Variants in SBSPON observed in about 807,000 individuals in gnomAD.
SBSPON encodes somatomedin B and thrombospondin type 1 domain containing, also known as somatomedin-B and thrombospondin type-1 domain-containing protein.
Under a neutral mutation model 35.8 loss-of-function variants are expected in SBSPON, and 30 were observed. The ratio of observed to expected loss-of-function variants is 0.84; its 90% CI spans 0.63 to 1.14. The LOEUF (loss-of-function observed/expected upper bound fraction) is 1.14. Among genes scored for constraint, SBSPON ranks in the 50% most tolerant of loss-of-function variants. The pLI is 0.00. For missense variants in SBSPON, 364 were observed against 357.7 expected (o/e 1.02, Z -0.14); for synonymous variants, 136 against 135.9 (o/e 1.00, Z 0.00).
chr8:73,081,253 C>A (rs1810697761), intron 1 of SBSPON, 40 bp from the exon 2 acceptor site: 1 of 1,489,548 alleles, frequency 6.7e-7, no homozygotes, highest in Non-Finnish European at 9.0e-7. Context: ...TGAGTAAATC[C>A]CGCCAGGCTG....
At chr8:73,069,108 C>T (rs1024163475) in intron 4 of SBSPON, among the ~76,000 whole-genome samples, 4 of 152,084 alleles carry the variant, frequency 2.6e-5, no homozygotes, top group African/African-American at 7.2e-5. Flanking sequence ...TGACCTAAGA[C>T]ATTTTTAAAA....
intron 4 of SBSPON, among the ~76,000 whole-genome samples, chr8:73,069,048 G>A (rs1233164542): frequency 6.6e-6 from 1 of 152,152 alleles, no homozygotes; most frequent in East Asian, 1.9e-4. Flanking sequence ...AGCCTGCAAA[G>A]TCAAAAATAT....
In SBSPON at chr8:73,084,702, CTT is replaced by C. The variant is rs757692640; in HGVS notation, c.215-3491_215-3490del. Among the ~76,000 whole-genome samples, 80 of 151,470 alleles carry C rather than the reference CTT, an allele frequency of 5.3e-4. 1 individual carries two copies. The highest frequency in any genetic ancestry group is 3.4e-3 in the Middle Eastern group (1 of 292). ...ACTAACTACTTCCTCTTCAGGGAGT[CTT>C]TTTCTGGCCAGCTTTTTCTAGTCTT... On this transcript the variant is annotated intron_variant, in intron 1 of 4. Coordinates refer to ENST00000297354, the MANE Select transcript of SBSPON (RefSeq NM_153225.4).
At chr8:73,071,059 G>A (rs1810485192) in intron 3 of SBSPON, among the ~76,000 whole-genome samples, 1 of 152,114 alleles carries the variant, frequency 6.6e-6, no homozygotes, top group Admixed American at 6.5e-5. Context: ...TTCTCACTAT[G>A]TTGCCCTGGC....
At position 73,067,333 on chromosome 8, in the gene SBSPON, A is replaced by G; in HGVS notation, c.*8T>C. 3 of 1,359,422 alleles carry G rather than the reference A, an allele frequency of 2.2e-6. No individual in the cohort carries two copies. The highest frequency in any genetic ancestry group is 3.2e-6 in the Non-Finnish European group (3 of 948,548). The allele number at this position is 1,359,422 out of a possible 1,614,324, so 84.2% of individuals were successfully genotyped here. ...TACAAATGCATTTGGAAATATTTAT[A>G]TCACCATCTATATAAAAATAAAACT... On this transcript the variant is annotated 3_prime_UTR_variant, in exon 5 of 5. Transcript: ENST00000297354.
intron 2 of SBSPON, among the ~76,000 whole-genome samples, chr8:73,076,138 C>T (rs1301846329): frequency 3.9e-5 from 6 of 152,174 alleles, no homozygotes; most frequent in South Asian, 4.2e-4. Context: ...GACTTAGAGC[C>T]GGGAGATCCA....
At chr8:73,068,729 C>T (rs2129984221) in intron 4 of SBSPON, among the ~76,000 whole-genome samples, 2 of 152,226 alleles carry the variant, frequency 1.3e-5, no homozygotes, top group African/African-American at 4.8e-5. Flanking sequence ...CCCCATTGAG[C>T]AACAGTTCTG....
chr8:73,080,449 A>T (rs1366689682), intron 2 of SBSPON, among the ~76,000 whole-genome samples: 1 of 152,174 alleles, frequency 6.6e-6, no homozygotes, highest in African/African-American at 2.4e-5. Flanking sequence ...CAGGAGGCAG[A>T]GCTTGCAGTG....
rs369780955 is a variant in SBSPON at position 73,065,075 on chromosome 8, G to A, written c.*2266C>T. 3.8e-4 allele frequency: 57 copies of A among 151,968 alleles called. No homozygotes were observed. Among genetic ancestry groups the A allele is most frequent in the African/African-American group, 1.3e-3 (54 of 41,450 alleles). 9.4% of individuals were successfully genotyped at this position (151,968 alleles called of 1,614,324 possible). ...TTTCAGTTCTGAACTATTTCCCTTG[G>A]GCTTTGCTAAAATTAATAACAAGCT... On this transcript the variant is annotated 3_prime_UTR_variant, in exon 5 of 5. Coordinates refer to ENST00000297354, the MANE Select transcript of SBSPON (RefSeq NM_153225.4).
At chr8:73,091,577 G>T (rs1359736011) in intron 1 of SBSPON, among the ~76,000 whole-genome samples, 1 of 152,168 alleles carries the variant, frequency 6.6e-6, no homozygotes, top group Non-Finnish European at 1.5e-5. Flanking sequence ...TTAGGATGCT[G>T]TGAGGAGGGG....
chr8:73,087,631 T>A (rs1450940142), intron 1 of SBSPON, among the ~76,000 whole-genome samples: 1 of 151,900 alleles, frequency 6.6e-6, no homozygotes, highest in Non-Finnish European at 1.5e-5. Context: ...TTTGGGTGAG[T>A]TTGGAGCCCA....
At chr8:73,076,168 C>T (rs541488724) in intron 2 of SBSPON, among the ~76,000 whole-genome samples, 2 of 152,206 alleles carry the variant, frequency 1.3e-5, no homozygotes, top group South Asian at 4.2e-4. Flanking sequence ...TCCAGTAGTC[C>T]TTCACACGTG....
At position 73,084,166 on chromosome 8, in the gene SBSPON, G is replaced by C. The variant is rs559483072; in HGVS notation, c.215-2953C>G. Among the ~76,000 whole-genome samples, 7 of 152,318 alleles carry C rather than the reference G, an allele frequency of 4.6e-5. No individual in the cohort carries two copies. The South Asian group carries it at 1.4e-3, about 32-fold the overall frequency. ...GAGACAATGGATGTAGATTCAGAGTGCAAGAAATTATCAAGTCCTTGCCCA... is the reference window on the plus strand; with the variant it reads ...GAGACAATGGATGTAGATTCAGAGTCCAAGAAATTATCAAGTCCTTGCCCA... On this transcript the variant is annotated intron_variant, in intron 1 of 4. Coordinates refer to ENST00000297354, the MANE Select transcript of SBSPON (RefSeq NM_153225.4).
chr8:73,082,394 A>C (rs889952542), intron 1 of SBSPON, among the ~76,000 whole-genome samples: 1 of 152,212 alleles, frequency 6.6e-6, no homozygotes, highest in African/African-American at 2.4e-5. Context: ...TCCCACAAGA[A>C]TTAGCACTCT....
chr8:73,077,202 G>A (rs551582887), intron 2 of SBSPON, among the ~76,000 whole-genome samples: 4 of 152,280 alleles, frequency 2.6e-5, no homozygotes, highest in Admixed American at 6.5e-5. Flanking sequence ...CAGCACACCC[G>A]GCCTAATCTG....
rs1009085038 is a variant in SBSPON, at chr8:73,092,849, C to T, written c.214+5G>A. On this transcript the variant is annotated splice_donor_5th_base_variant and intron_variant, in intron 1 of 4. Coordinates refer to ENST00000297354, the MANE Select transcript of SBSPON (RefSeq NM_153225.4). ...CGGCGCCCCACTCTCGGCCTGACCA[C>T]CCACCTGGGCACGCCCTGTCGTAGT... 7 of 1,608,818 alleles carry T rather than the reference C, an allele frequency of 4.4e-6. No homozygotes were observed. The African/African-American group carries it at 8.0e-5, about 18-fold the overall frequency.
chr8:73,078,664 T>G (rs1452564592), intron 2 of SBSPON, among the ~76,000 whole-genome samples: 1 of 152,166 alleles, frequency 6.6e-6, no homozygotes, highest in African/African-American at 2.4e-5. Context: ...AAAACATCCA[T>G]AATGTCCTAC....
rs542209409 is a variant in SBSPON at position 73,081,724 on chromosome 8, G to A, written c.215-511C>T. 7.2e-5 allele frequency among the ~76,000 whole-genome samples: 11 copies of A among 152,130 alleles called. No individual in the cohort carries two copies. The East Asian group carries it at 2.1e-3, about 29-fold the overall frequency. Reference sequence around the variant, plus strand: ...CTCAGGTCAATTCTTCTCAGCAAATGTGTCTTCATAAGAAACAGGGCTTAG... The same window carrying A: ...CTCAGGTCAATTCTTCTCAGCAAATATGTCTTCATAAGAAACAGGGCTTAG... On this transcript the variant is annotated intron_variant, in intron 1 of 4. Transcript: ENST00000297354.
rs1810388735 is a variant in SBSPON at position 73,066,436 on chromosome 8, A to C, written c.*905T>G. 6.6e-6 allele frequency: 1 copy of C among 152,184 alleles called. No homozygotes were observed. The allele number at this position is 152,184 out of a possible 1,614,324, so 9.4% of individuals were successfully genotyped here. On this transcript the variant is annotated 3_prime_UTR_variant, in exon 5 of 5. Coordinates refer to ENST00000297354, the MANE Select transcript of SBSPON (RefSeq NM_153225.4). Reference sequence around the variant, plus strand: ...GATCGTAGCACCTGTAATGACGTCTATGCCTTCCATAACCGACACACCATC... The same window carrying C: ...GATCGTAGCACCTGTAATGACGTCTCTGCCTTCCATAACCGACACACCATC...
Sources: gnomAD v4.1 joint callset for allele counts (sites outside exome capture counted in the v4.1 genomes callset) on GRCh38, gnomAD v4.1.1 for gene constraint, MANE v1.5 for transcripts, NCBI Gene and HGNC (gene_info 2026-07-23, HGNC 2026-07-21) for gene names.